Variants in CASK observed in about 807,000 individuals in gnomAD.
The protein encoded by CASK is peripheral plasma membrane protein CASK.
Under a neutral mutation model 82.9 loss-of-function variants are expected in CASK, and 4 were observed. The observed-to-expected ratio is 0.05, with a 90% CI of 0.02 to 0.11. The LOEUF is 0.11. CASK is among the 10% of genes least tolerant of loss of function. The probability of loss-of-function intolerance (pLI) is 1.00; values close to 1 mark genes in which losing one functional copy is unlikely to be tolerated. For missense variants in CASK, 358 were observed against 720.9 expected, an observed-to-expected ratio of 0.50 and a Z score of 5.76; for synonymous variants, 259 against 253.5, an observed-to-expected ratio of 1.02 and a Z score of -0.20.
At position 41,517,862 on chromosome X, in the gene CASK, T is replaced by C. The variant is rs1488264144; in HGVS notation, c.*2558A>G. The stretch of plus-strand genomic sequence containing the variant: ...CTCTGAATTCAGAAATGTAAGTATA[T>C]GCAGCTAGGTCATAAAGACACTGCT... On this transcript the variant is annotated 3_prime_UTR_variant, in exon 27 of 27. Transcript: ENST00000378163. 3 of 611,458 alleles carry C rather than the reference T, an allele frequency of 4.9e-6. No individual in the cohort carries two copies. The highest frequency in any genetic ancestry group is 7.8e-6 in the Non-Finnish European group (3 of 383,618). The allele number at this position is 611,458 out of a possible 1,213,427, so 50.4% of individuals were successfully genotyped here. A position where few individuals can be genotyped will look rare whatever the true frequency, so the allele number is the denominator to read the frequency against.
At chrX:41,908,352 G>T (rs2072505080) in intron 1 of CASK, among the ~76,000 whole-genome samples, 1 of 112,066 alleles carries the variant, frequency 8.9e-6, no homozygotes, top group Non-Finnish European at 1.9e-5. Flanking sequence ...CTCCAGCCTG[G>T]GCGACAGAAC....
chrX:41,777,084 C>A (rs1025987910), intron 3 of CASK, among the ~76,000 whole-genome samples: 1 of 111,737 alleles, frequency 8.9e-6, no homozygotes, highest in Non-Finnish European at 1.9e-5. Context: ...ATAAATAGTG[C>A]GAGTTTGTTC....
intron 11 of CASK, among the ~76,000 whole-genome samples, chrX:41,617,253 T>TTTA (rs774802401): frequency 1.4e-4 from 16 of 111,956 alleles, no homozygotes; most frequent in South Asian, 7.5e-4. Flanking sequence ...TTCCAACAGG[T>TTTA]CTATTAAACC....
chrX:41,774,053 C>G (rs2069301474), intron 3 of CASK, among the ~76,000 whole-genome samples: 1 of 111,418 alleles, frequency 9.0e-6, no homozygotes, highest in African/African-American at 3.3e-5. Flanking sequence ...TTTTTGACTC[C>G]TGTAATAACA....
chrX:41,676,623 G>A lies in CASK; in HGVS notation c.430-5093C>T, dbSNP rs1410357190. 6.0e-6 allele frequency: 3 copies of A among 499,547 alleles called. No individual in the cohort carries two copies. The South Asian group carries it at 9.9e-5, about 17-fold the overall frequency. The allele number at this position is 499,547 out of a possible 1,213,427, so 41.2% of individuals were successfully genotyped here. On this transcript the variant is annotated intron_variant, in intron 5 of 26. Coordinates refer to ENST00000378163, the MANE Select transcript of CASK (RefSeq NM_001367721.1). ...CCGAACTCTGGGTTTTATGTTGAGC[G>A]AGATGGGAAATCACCATAAGGTTTT...
chrX:41,605,501 A>G (rs1377733472), intron 12 of CASK, among the ~76,000 whole-genome samples: 1 of 110,339 alleles, frequency 9.1e-6, no homozygotes, highest in Non-Finnish European at 1.9e-5. Flanking sequence ...TGGGTGGTTG[A>G]GGTAGGAGGG....
chrX:41,736,368 C>T (rs563359905), intron 5 of CASK, among the ~76,000 whole-genome samples: 32 of 111,324 alleles, frequency 2.9e-4, no homozygotes, highest in East Asian at 5.6e-4. Flanking sequence ...GGTGTGGTGG[C>T]GCACGCCTAT....
At chrX:41,892,262 C>T (rs2072185814) in intron 1 of CASK, among the ~76,000 whole-genome samples, 1 of 90,248 alleles carries the variant, frequency 1.1e-5, no homozygotes, top group Non-Finnish European at 2.2e-5. Flanking sequence ...GTCAATAAAA[C>T]TTGAGCAACT....
chrX:41,610,745 G>A (rs1367146386), intron 11 of CASK, among the ~76,000 whole-genome samples: 5 of 111,544 alleles, frequency 4.5e-5, no homozygotes, highest in African/African-American at 1.3e-4. Context: ...ATCACTTTAA[G>A]TTTCTTCTCA....
At chrX:41,903,793 T>G (rs927219424) in intron 1 of CASK, among the ~76,000 whole-genome samples, 2 of 111,997 alleles carry the variant, frequency 1.8e-5, no homozygotes, top group African/African-American at 3.2e-5. Context: ...CTGTCTACCA[T>G]GCAGTCACTA....
chrX:41,545,712 G>A (rs1266598081), intron 21 of CASK, among the ~76,000 whole-genome samples: 2 of 111,661 alleles, frequency 1.8e-5, no homozygotes, highest in East Asian at 5.6e-4. Context: ...TCTTATCTAT[G>A]AAATCTATCT....
chrX:41,893,329 G>A (rs1359547885), intron 1 of CASK, among the ~76,000 whole-genome samples: 1 of 112,193 alleles, frequency 8.9e-6, no homozygotes, highest in Admixed American at 9.4e-5. Context: ...CAGGGGCACT[G>A]TCAAAAACAA....
intron 1 of CASK, among the ~76,000 whole-genome samples, chrX:41,872,451 T>G (rs1324145057): frequency 8.9e-6 from 1 of 112,079 alleles, no homozygotes; most frequent in Non-Finnish European, 1.9e-5. Flanking sequence ...ATGCTCCTTG[T>G]GCTTTTATTA....
intron 1 of CASK, among the ~76,000 whole-genome samples, chrX:41,871,624 T>C (rs1302913109): frequency 8.9e-6 from 1 of 112,203 alleles, no homozygotes; most frequent in Non-Finnish European, 1.9e-5. Context: ...CTTGGGAAAA[T>C]ACTACTTTAA....
chrX:41,618,647 T>A (rs770735750), intron 11 of CASK, among the ~76,000 whole-genome samples: 21 of 109,346 alleles, frequency 1.9e-4, no homozygotes, highest in South Asian at 3.9e-4. Flanking sequence ...TCAGTAGGGT[T>A]AAATAACCTT....
intron 16 of CASK, among the ~76,000 whole-genome samples, chrX:41,564,789 C>T (rs1159646866): frequency 9.0e-6 from 1 of 111,474 alleles, no homozygotes; most frequent in Non-Finnish European, 1.9e-5. Flanking sequence ...ATATTCTTCT[C>T]AGCACCACAC....
intron 3 of CASK, among the ~76,000 whole-genome samples, chrX:41,752,446 C>T (rs1003164943): frequency 9.1e-6 from 1 of 110,133 alleles, no homozygotes; most frequent in Admixed American, 9.7e-5. Context: ...GCACACCTCA[C>T]GTCCAGCTAA....
intron 12 of CASK, among the ~76,000 whole-genome samples, chrX:41,602,863 A>G (rs1233679714): frequency 1.8e-5 from 2 of 111,140 alleles, no homozygotes; most frequent in African/African-American, 6.5e-5. Context: ...TGACAATACT[A>G]CTTCAATACA....
chrX:41,654,369 A>T (rs2066903946), intron 8 of CASK, among the ~76,000 whole-genome samples: 1 of 111,807 alleles, frequency 8.9e-6, no homozygotes, highest in South Asian at 3.8e-4. Flanking sequence ...TAGAGGGCTA[A>T]TAAGAAATGG....
Sources: gnomAD v4.1 joint callset for allele counts (sites outside exome capture counted in the v4.1 genomes callset) on GRCh38, gnomAD v4.1.1 for gene constraint, MANE v1.5 for transcripts, NCBI Gene and HGNC (gene_info 2026-07-23, HGNC 2026-07-21) for gene names.